The following SGCZ variants were observed in gnomAD, a reference collection of about 807,000 sequenced individuals.
The protein encoded by SGCZ is sarcoglycan zeta, also known as zeta-sarcoglycan.
Under a neutral mutation model 41.3 loss-of-function variants are expected in SGCZ, and 40 were observed. That is an observed-to-expected ratio of 0.97 (90% CI 0.75 to 1.26). The LOEUF (loss-of-function observed/expected upper bound fraction) is 1.26. Ranked by LOEUF, SGCZ falls within the 50% of genes most tolerant of loss-of-function variation. The pLI is 0.00. For synonymous variants in SGCZ, 206 were observed against 137.5 expected, an observed-to-expected ratio of 1.50 and a Z score of -3.49; for missense variants, 552 against 369.8, an observed-to-expected ratio of 1.49 and a Z score of -4.04.
chr8:15,089,313 T>C (rs1398188248), intron 1 of SGCZ, among the ~76,000 whole-genome samples: 4 of 152,264 alleles, frequency 2.6e-5, no homozygotes, highest in African/African-American at 7.2e-5. Flanking sequence ...GATTTTAACA[T>C]GTTCAAATGA....
intron 3 of SGCZ, among the ~76,000 whole-genome samples, chr8:14,279,868 A>C (rs1800362273): frequency 6.6e-6 from 1 of 151,890 alleles, no homozygotes; most frequent in Non-Finnish European, 1.5e-5. Flanking sequence ...TCCTTAGAGA[A>C]AACTAACAAC....
intron 2 of SGCZ, among the ~76,000 whole-genome samples, chr8:14,427,937 G>T (rs182111913): frequency 8.4e-4 from 128 of 152,030 alleles, no homozygotes; most frequent in African/African-American, 3.0e-3. Flanking sequence ...ATTCTATTAG[G>T]TATTATAAGT....
intron 1 of SGCZ, among the ~76,000 whole-genome samples, chr8:14,840,118 A>G (rs1362329011): frequency 6.6e-6 from 1 of 152,140 alleles, no homozygotes; most frequent in Non-Finnish European, 1.5e-5. Flanking sequence ...AAGAAAGTAA[A>G]TGTTCAATAA....
At chr8:14,117,164 C>T (rs1398156970) in intron 5 of SGCZ, among the ~76,000 whole-genome samples, 2 of 151,936 alleles carry the variant, frequency 1.3e-5, no homozygotes, top group African/African-American at 4.8e-5. Context: ...CTCTGACCTA[C>T]AAAAATAATG....
chr8:14,577,271 A>G (rs1213545973), intron 1 of SGCZ, among the ~76,000 whole-genome samples: 1 of 152,204 alleles, frequency 6.6e-6, no homozygotes, highest in Non-Finnish European at 1.5e-5. Flanking sequence ...CTGCTCGAAT[A>G]CAAGTATGTC....
At chr8:14,765,525 G>A (rs74416877) in intron 1 of SGCZ, among the ~76,000 whole-genome samples, 1 of 152,188 alleles carries the variant, frequency 6.6e-6, no homozygotes, top group Non-Finnish European at 1.5e-5. Flanking sequence ...CAAATGCACT[G>A]TTTCCTGGCA....
At chr8:14,624,327 TG>T (rs1806378943) in intron 1 of SGCZ, among the ~76,000 whole-genome samples, 1 of 152,110 alleles carries the variant, frequency 6.6e-6, no homozygotes, top group African/African-American at 2.4e-5. Context: ...ATGGTTCTAA[TG>T]TTTCCTCGGC....
At chr8:14,989,566 A>G (rs1801937547) in intron 1 of SGCZ, among the ~76,000 whole-genome samples, 1 of 151,696 alleles carries the variant, frequency 6.6e-6, no homozygotes, top group South Asian at 2.1e-4. Context: ...CAACGTGCTC[A>G]GAGCAGAAGA....
intron 1 of SGCZ, among the ~76,000 whole-genome samples, chr8:15,106,100 T>G (rs1794137820): frequency 6.6e-6 from 1 of 152,174 alleles, no homozygotes; most frequent in African/African-American, 2.4e-5. Flanking sequence ...GCATTCCTAT[T>G]CCTTTTATTA....
intron 2 of SGCZ, among the ~76,000 whole-genome samples, chr8:14,521,633 C>G (rs1310766909): frequency 6.6e-6 from 1 of 152,090 alleles, no homozygotes; most frequent in East Asian, 1.9e-4. Flanking sequence ...AGGTTTTTGT[C>G]TTCATTTACC....
intron 1 of SGCZ, among the ~76,000 whole-genome samples, chr8:14,888,495 C>T (rs950750073): frequency 6.6e-6 from 1 of 152,098 alleles, no homozygotes; most frequent in Non-Finnish European, 1.5e-5. Context: ...AGAAAGTATA[C>T]ATAATCGTAT....
chr8:14,768,336 C>A (rs1421672852), intron 1 of SGCZ, among the ~76,000 whole-genome samples: 7 of 152,146 alleles, frequency 4.6e-5, no homozygotes, highest in Non-Finnish European at 8.8e-5. Context: ...TGCAGTACTT[C>A]TTTTTGTACA....
At chr8:14,192,179 A>T (rs943331686) in intron 4 of SGCZ, among the ~76,000 whole-genome samples, 25 of 152,216 alleles carry the variant, frequency 1.6e-4, no homozygotes, top group African/African-American at 6.0e-4. Flanking sequence ...GTAGTGCTTT[A>T]CAGTAAAAAC....
At chr8:14,262,446 T>A (rs2117238099) in intron 3 of SGCZ, among the ~76,000 whole-genome samples, 1 of 152,232 alleles carries the variant, frequency 6.6e-6, no homozygotes, top group African/African-American at 2.4e-5. Flanking sequence ...TAATTTTAAA[T>A]TTTTACTTAA....
chr8:14,916,796 A>T (rs899326060), intron 1 of SGCZ, among the ~76,000 whole-genome samples: 2 of 152,180 alleles, frequency 1.3e-5, no homozygotes, highest in Non-Finnish European at 2.9e-5. Flanking sequence ...TACACTTACG[A>T]GTATGTAAAT....
chr8:14,741,909 G>T (rs530261665), intron 1 of SGCZ, among the ~76,000 whole-genome samples: 1 of 151,360 alleles, frequency 6.6e-6, no homozygotes, highest in South Asian at 2.1e-4. Flanking sequence ...TTTCAGAACT[G>T]TTCCAACTCC....
chr8:14,330,455 G>A (rs1192032635), intron 2 of SGCZ, among the ~76,000 whole-genome samples: 1 of 151,988 alleles, frequency 6.6e-6, no homozygotes, highest in African/African-American at 2.4e-5. Context: ...TGACAAAGTA[G>A]AGGATTATTT....
At chr8:15,183,491 A>T (rs1249142887) in intron 1 of SGCZ, among the ~76,000 whole-genome samples, 2 of 152,208 alleles carry the variant, frequency 1.3e-5, no homozygotes, top group Non-Finnish European at 2.9e-5. Flanking sequence ...ACTGCATAAT[A>T]CACTGTACCT....
intron 1 of SGCZ, among the ~76,000 whole-genome samples, chr8:14,611,308 G>A (rs778399043): frequency 7.7e-6 from 1 of 129,456 alleles, no homozygotes; most frequent in Non-Finnish European, 1.7e-5. Flanking sequence ...CTCAAATGGA[G>A]AGAGTAAATG....
Sources: allele counts gnomAD v4.1 joint callset (sites outside exome capture counted in the v4.1 genomes callset), GRCh38; gene constraint gnomAD v4.1.1; transcripts MANE v1.5; gene names NCBI Gene and HGNC (gene_info 2026-07-23, HGNC 2026-07-21).